Variants in PRKAR2B observed in about 807,000 individuals in gnomAD.
PRKAR2B encodes cAMP-dependent protein kinase type II-beta regulatory subunit.
Under a neutral mutation model 49.9 loss-of-function variants are expected in PRKAR2B, and 14 were observed. That is an observed-to-expected ratio of 0.28 (90% CI 0.19 to 0.44). The LOEUF is 0.44. PRKAR2B is among the 20% of genes least tolerant of loss of function. The probability of loss-of-function intolerance (pLI) is 1.00; values close to 1 mark genes in which losing one functional copy is unlikely to be tolerated. For missense variants in PRKAR2B, 393 were observed against 537.9 expected (o/e 0.73, Z 2.67); for synonymous variants, 196 against 197.7 (o/e 0.99, Z 0.07).
intron 2 of PRKAR2B, among the ~76,000 whole-genome samples, chr7:107,077,563 C>G (rs1437935259): frequency 6.6e-6 from 1 of 152,344 alleles, no homozygotes; most frequent in Non-Finnish European, 1.5e-5. Context: ...CCATATGTTG[C>G]TATGCAGTTT....
chr7:107,161,166 CTG>C lies in PRKAR2B; in HGVS notation c.*1586_*1587del, dbSNP rs1441715824. On this transcript the variant is annotated 3_prime_UTR_variant, in exon 11 of 11. Transcript: ENST00000265717. ...TAACTTCAGCCACATTTTTAGAACA[CTG>C]TTTAACATTTTTGCAAAACCTTCTT... 1 of 152,158 alleles carries C rather than the reference CTG, an allele frequency of 6.6e-6. No homozygotes were observed. Among genetic ancestry groups the C allele is most frequent in the Non-Finnish European group, 1.5e-5 (1 of 67,996 alleles). 9.4% of individuals were successfully genotyped at this position (152,158 alleles called of 1,614,324 possible).
chr7:107,143,961 AC>A (rs1209374297), intron 5 of PRKAR2B, among the ~76,000 whole-genome samples: 1 of 152,182 alleles, frequency 6.6e-6, no homozygotes, highest in East Asian at 1.9e-4. Flanking sequence ...CTAACCCTGT[AC>A]TTGAAAAATG....
At chr7:107,100,060 C>T (rs1794929351) in intron 2 of PRKAR2B, among the ~76,000 whole-genome samples, 1 of 151,880 alleles carries the variant, frequency 6.6e-6, no homozygotes, top group Admixed American at 6.6e-5. Flanking sequence ...TATTTTATAT[C>T]ATTCTGTGGG....
intron 1 of PRKAR2B, among the ~76,000 whole-genome samples, chr7:107,047,362 G>A (rs1357273333): frequency 6.6e-6 from 1 of 151,972 alleles, no homozygotes; most frequent in African/African-American, 2.4e-5. Flanking sequence ...AAAGTGATTG[G>A]CAAGGTTTCT....
chr7:107,156,678 C>T (rs1238821000), intron 8 of PRKAR2B, among the ~76,000 whole-genome samples: 3 of 151,946 alleles, frequency 2.0e-5, no homozygotes, highest in Admixed American at 1.3e-4. Context: ...TGGTGGCAGA[C>T]GCCTGTAGTC....
In PRKAR2B at chr7:107,160,074, G is replaced by A. The variant is rs1796171683; in HGVS notation, c.*492G>A. On this transcript the variant is annotated 3_prime_UTR_variant, in exon 11 of 11. Coordinates refer to ENST00000265717, the MANE Select transcript of PRKAR2B (RefSeq NM_002736.3). Reference sequence around the variant, plus strand: ...TTTTTGTTTTAAAGTTTTCTAGCTTGATAAGTTATGTGCTGGCCTTGGCCT... The same window carrying A: ...TTTTTGTTTTAAAGTTTTCTAGCTTAATAAGTTATGTGCTGGCCTTGGCCT... 6.5e-6 allele frequency: 1 copy of A among 152,864 alleles called. No homozygotes were observed. The highest frequency in any genetic ancestry group is 1.5e-5 in the Non-Finnish European group (1 of 68,284). 9.5% of individuals were successfully genotyped at this position (152,864 alleles called of 1,614,324 possible). A position where few individuals can be genotyped will look rare whatever the true frequency, so the allele number is the denominator to read the frequency against.
At chr7:107,084,971 C>T (rs1794589633) in intron 2 of PRKAR2B, among the ~76,000 whole-genome samples, 1 of 151,954 alleles carries the variant, frequency 6.6e-6, no homozygotes, top group South Asian at 2.1e-4. Context: ...ATTAATAGTA[C>T]AGGTATATAC....
At chr7:107,066,558 C>T (rs1040705081) in intron 1 of PRKAR2B, 2 of 152,062 alleles carry the variant, frequency 1.3e-5, no homozygotes, top group Non-Finnish European at 1.5e-5. Flanking sequence ...ACAGGTACAT[C>T]CAAAGATGTT....
chr7:107,139,126 C>G (rs976798801), intron 4 of PRKAR2B, among the ~76,000 whole-genome samples: 3 of 152,172 alleles, frequency 2.0e-5, no homozygotes, highest in African/African-American at 4.8e-5. Flanking sequence ...TCTGCAAAAG[C>G]TCTCTACAGT....
chr7:107,131,039 A>T (rs1398196936), intron 4 of PRKAR2B, among the ~76,000 whole-genome samples: 1 of 152,180 alleles, frequency 6.6e-6, no homozygotes, highest in African/African-American at 2.4e-5. Context: ...CATTTCTCAC[A>T]AGCTCCCAGG....
intron 4 of PRKAR2B, among the ~76,000 whole-genome samples, chr7:107,129,856 G>T (rs979540336): frequency 3.3e-5 from 5 of 152,144 alleles, no homozygotes; most frequent in Non-Finnish European, 2.9e-5. Context: ...GTGGGAGTGT[G>T]GCAGTGAGGA....
At chr7:107,129,538 T>G (rs1795559906) in intron 4 of PRKAR2B, among the ~76,000 whole-genome samples, 2 of 152,160 alleles carry the variant, frequency 1.3e-5, no homozygotes, top group African/African-American at 4.8e-5. Context: ...CAAGAATGCT[T>G]TAAGTTATCC....
At chr7:107,103,815 C>T (rs1157823654) in intron 2 of PRKAR2B, among the ~76,000 whole-genome samples, 1 of 152,186 alleles carries the variant, frequency 6.6e-6, no homozygotes, top group Non-Finnish European at 1.5e-5. Flanking sequence ...CTGAATCTTT[C>T]AGTTAGAACA....
chr7:107,083,604 G>GT (rs919346213), intron 2 of PRKAR2B, among the ~76,000 whole-genome samples: 9 of 152,086 alleles, frequency 5.9e-5, no homozygotes, highest in African/African-American at 2.2e-4. Flanking sequence ...GTCAAGCCTA[G>GT]TTTTTTCTTG....
intron 2 of PRKAR2B, among the ~76,000 whole-genome samples, chr7:107,120,351 G>C (rs1218946743): frequency 1.3e-5 from 2 of 152,120 alleles, no homozygotes; most frequent in Admixed American, 6.5e-5. Context: ...ACTTGGTTAA[G>C]AGTCACTGGT....
chr7:107,146,710 C>T (rs1380261217), intron 6 of PRKAR2B, among the ~76,000 whole-genome samples: 1 of 152,164 alleles, frequency 6.6e-6, no homozygotes, highest in East Asian at 1.9e-4. Context: ...CACTCAGATT[C>T]AGAATGCTCC....
At chr7:107,144,276 C>CG (rs1026681572) in intron 5 of PRKAR2B, among the ~76,000 whole-genome samples, 6 of 151,650 alleles carry the variant, frequency 4.0e-5, no homozygotes, top group Non-Finnish European at 8.8e-5. Context: ...TTAGTAGAGA[C>CG]GGGGTTTCAC....
At chr7:107,058,288 GAA>G (rs1233699099) in intron 1 of PRKAR2B, among the ~76,000 whole-genome samples, 1 of 152,098 alleles carries the variant, frequency 6.6e-6, no homozygotes, top group Non-Finnish European at 1.5e-5. Context: ...GATGCTTGTA[GAA>G]AAACAAAACT....
intron 2 of PRKAR2B, among the ~76,000 whole-genome samples, chr7:107,119,735 GCTT>G (rs1176669890): frequency 6.6e-6 from 1 of 152,274 alleles, no homozygotes. Flanking sequence ...TGACTTGGCT[GCTT>G]CTTTGGTTTT....
Sources: allele counts gnomAD v4.1 joint callset (sites outside exome capture counted in the v4.1 genomes callset), GRCh38; gene constraint gnomAD v4.1.1; transcripts MANE v1.5; gene names NCBI Gene and HGNC (gene_info 2026-07-23, HGNC 2026-07-21).